The following CA10 variants were observed in gnomAD, a reference collection of about 807,000 sequenced individuals.
The protein encoded by CA10 is carbonic anhydrase-related protein 10.
Under a neutral mutation model 44.2 loss-of-function variants are expected in CA10, and 14 were observed. The ratio of observed to expected loss-of-function variants is 0.32; its 90% CI spans 0.21 to 0.50. The LOEUF is 0.50. CA10 is among the 20% of genes least tolerant of loss of function. The pLI, the probability that CA10 is intolerant of heterozygous loss-of-function variation, is 0.99. For missense variants in CA10, 350 were observed against 409.7 expected, an observed-to-expected ratio of 0.85 and a Z score of 1.26; for synonymous variants, 159 against 141.6, an observed-to-expected ratio of 1.12 and a Z score of -0.87.
At chr17:52,070,631 A>G (rs559331559) in intron 2 of CA10, 1 of 152,328 alleles carries the variant, frequency 6.6e-6, no homozygotes, top group South Asian at 2.1e-4. Flanking sequence ...TAAGGTTTAC[A>G]TATATTATCT....
intron 4 of CA10, among the ~76,000 whole-genome samples, chr17:51,670,505 T>C (rs1914377467): frequency 6.6e-6 from 1 of 151,898 alleles, no homozygotes; most frequent in African/African-American, 2.4e-5. Context: ...TTTTTCCCCC[T>C]GGAATCTCTG....
At chr17:52,109,284 G>T (rs1988739542) in intron 1 of CA10, among the ~76,000 whole-genome samples, 1 of 152,176 alleles carries the variant, frequency 6.6e-6, no homozygotes, top group African/African-American at 2.4e-5. Flanking sequence ...AAACATTCAA[G>T]TCCTTCTAAG....
intron 2 of CA10, among the ~76,000 whole-genome samples, chr17:52,018,838 T>A (rs927965024): frequency 1.3e-5 from 2 of 150,748 alleles, no homozygotes; most frequent in African/African-American, 4.8e-5. Context: ...ACTTCCAGTA[T>A]TACAGGTGGA....
intron 2 of CA10, among the ~76,000 whole-genome samples, chr17:51,982,371 ATCAGGGTCTATCCACACAT>A (rs1984680552): frequency 6.6e-6 from 1 of 151,912 alleles, no homozygotes; most frequent in African/African-American, 2.4e-5. Flanking sequence ...AAATTGTGCA[ATCAGGGTCTATCCACACAT>A]TCAGCTATAT....
chr17:51,784,518 G>T (rs1376879699), intron 3 of CA10, among the ~76,000 whole-genome samples: 1 of 152,074 alleles, frequency 6.6e-6, no homozygotes, highest in Non-Finnish European at 1.5e-5. Context: ...TCTGTCTTCC[G>T]CCCCTTCCCA....
chr17:51,883,208 T>A (rs16950698), intron 3 of CA10, among the ~76,000 whole-genome samples: 16,440 of 152,146 alleles, frequency 0.11, 2,133 homozygotes, highest in African/African-American at 0.31. Flanking sequence ...ACATAAACAC[T>A]CATGCAAATC....
intron 2 of CA10, among the ~76,000 whole-genome samples, chr17:51,984,124 C>A (rs1400489907): frequency 2.6e-5 from 4 of 151,644 alleles, no homozygotes; most frequent in Admixed American, 6.6e-5. Flanking sequence ...AAGCACTCTA[C>A]CCTTTCACCA....
At chr17:51,985,458 G>T (rs1984800099) in intron 2 of CA10, among the ~76,000 whole-genome samples, 1 of 151,944 alleles carries the variant, frequency 6.6e-6, no homozygotes, top group Non-Finnish European at 1.5e-5. Context: ...AACAAGACAA[G>T]GATGCCCACT....
intron 2 of CA10, among the ~76,000 whole-genome samples, chr17:52,068,663 C>A (rs143160707): frequency 1.3e-5 from 2 of 152,266 alleles, no homozygotes; most frequent in South Asian, 4.1e-4. Context: ...AAGTTTGTTA[C>A]GTCACTTAAC....
chr17:51,849,695 C>T (rs1460170946), intron 3 of CA10, among the ~76,000 whole-genome samples: 2 of 152,094 alleles, frequency 1.3e-5, no homozygotes, highest in Admixed American at 1.3e-4. Flanking sequence ...GGTGGATGTG[C>T]ATTTCTTTCT....
rs1281434878 is a variant in CA10 at position 52,158,168 on chromosome 17, A to G, written c.-382T>C. 3.0e-6 allele frequency: 1 copy of G among 331,578 alleles called. No individual in the cohort carries two copies. Among genetic ancestry groups the G allele is most frequent in the Non-Finnish European group, 5.7e-6 (1 of 175,878 alleles). 20.5% of individuals were successfully genotyped at this position (331,578 alleles called of 1,614,324 possible). A position where few individuals can be genotyped will look rare whatever the true frequency, so the allele number is the denominator to read the frequency against. On this transcript the variant is annotated 5_prime_UTR_variant, in exon 1 of 9. Coordinates refer to ENST00000451037, the MANE Select transcript of CA10 (RefSeq NM_020178.5). Reference sequence around the variant, plus strand: ...CCAACACTGGGCTCTTCCAGCAAAAACGAGACCCCGATTCGTCTGGCGCCC... The same window carrying G: ...CCAACACTGGGCTCTTCCAGCAAAAGCGAGACCCCGATTCGTCTGGCGCCC...
At chr17:51,821,238 C>T (rs1478348923) in intron 3 of CA10, among the ~76,000 whole-genome samples, 2 of 149,266 alleles carry the variant, frequency 1.3e-5, no homozygotes, top group East Asian at 2.0e-4. Context: ...AAAGCTCCTT[C>T]CCTTCATGGG....
chr17:51,848,542 C>A (rs1978601185), intron 3 of CA10, among the ~76,000 whole-genome samples: 1 of 152,194 alleles, frequency 6.6e-6, no homozygotes, highest in Non-Finnish European at 1.5e-5. Context: ...AGCAAACAAA[C>A]ATGTGCCATA....
At chr17:51,900,674 TTTTA>T (rs1981274466) in intron 3 of CA10, among the ~76,000 whole-genome samples, 1 of 152,182 alleles carries the variant, frequency 6.6e-6, no homozygotes, top group African/African-American at 2.4e-5. Context: ...AAGTAGCAGA[TTTTA>T]TTTCTTTACG....
At chr17:51,682,312 G>T (rs576329210) in intron 4 of CA10, among the ~76,000 whole-genome samples, 10 of 152,304 alleles carry the variant, frequency 6.6e-5, no homozygotes, top group Middle Eastern at 3.4e-3. Context: ...TGAGAGTTGG[G>T]CCAAGGCACA....
intron 4 of CA10, among the ~76,000 whole-genome samples, chr17:51,669,209 C>T (rs1038867907): frequency 5.9e-5 from 9 of 152,194 alleles, no homozygotes; most frequent in East Asian, 1.9e-4. Flanking sequence ...GCTCCTGAGT[C>T]GGGTGGGGAC....
intron 4 of CA10, among the ~76,000 whole-genome samples, chr17:51,705,143 C>G (rs16950409): frequency 0.01 from 1,588 of 152,194 alleles, 27 homozygotes; most frequent in African/African-American, 0.037. Flanking sequence ...GACTTGCTAT[C>G]TTTGCTCCTT....
rs1027518830 is a variant in CA10, at chr17:52,114,411, C to T, written c.62-42018G>A. 3.3e-5 allele frequency among the ~76,000 whole-genome samples: 5 copies of T among 152,292 alleles called. No individual in the cohort carries two copies. In the East Asian group the frequency reaches 5.8e-4, roughly 18 times the overall value. On this transcript the variant is annotated intron_variant, in intron 1 of 8. Coordinates refer to ENST00000451037, the MANE Select transcript of CA10 (RefSeq NM_020178.5). Reference sequence around the variant, plus strand: ...CACTGCTGTGATCTGGAGCAAATTGCTTATCCATCCACTGAGCCTCAGTTT... The same window carrying T: ...CACTGCTGTGATCTGGAGCAAATTGTTTATCCATCCACTGAGCCTCAGTTT...
chr17:52,141,726 C>T (rs1250477508), intron 1 of CA10, among the ~76,000 whole-genome samples: 1 of 151,964 alleles, frequency 6.6e-6, no homozygotes, highest in Non-Finnish European at 1.5e-5. Context: ...GAGCTCTGGT[C>T]TGAGTTGTGT....
Sources: allele counts gnomAD v4.1 joint callset (sites outside exome capture counted in the v4.1 genomes callset), GRCh38; gene constraint gnomAD v4.1.1; transcripts MANE v1.5; gene names NCBI Gene and HGNC (gene_info 2026-07-23, HGNC 2026-07-21).